C8orf90: variants seen among roughly 807,000 people sequenced by gnomAD.
The protein encoded by C8orf90 is uncharacterized protein C8orf90.
chr8:141,518,516 C>T, the C8orf90 span: 2 of 564,482 alleles, frequency 3.5e-6, no homozygotes, highest in Non-Finnish European at 3.1e-6. Flanking sequence ...CACGCCACGG[C>T]CCAGGCAGCG....
chr8:141,516,303 G>A, the C8orf90 span, among the ~76,000 whole-genome samples: 3 of 152,106 alleles, frequency 2.0e-5, no homozygotes, highest in African/African-American at 4.8e-5. Context: ...ATTCAGAGCC[G>A]AACCTCAGGA....
chr8:141,515,444 C>CCCTG, the C8orf90 span, among the ~76,000 whole-genome samples: 14,758 of 149,306 alleles, frequency 0.099, 861 homozygotes, highest in African/African-American at 0.14. Context: ...GCCCTGCCCT[C>CCCTG]TCCCTAGCTC....
the C8orf90 span, among the ~76,000 whole-genome samples, chr8:141,517,174 CTGAA>C: frequency 9.3e-6 from 1 of 107,880 alleles, no homozygotes; most frequent in Admixed American, 9.2e-5. Flanking sequence ...GTAAAACAGA[CTGAA>C]TATTGTTACC....
chr8:141,518,246 C>G, the C8orf90 span: 3 of 628,986 alleles, frequency 4.8e-6, no homozygotes, highest in Non-Finnish European at 8.6e-6. Flanking sequence ...CCCGCCTTCC[C>G]GGACATCTAC....
the C8orf90 span, chr8:141,518,294 G>A: frequency 1.5e-6 from 1 of 664,430 alleles, no homozygotes; most frequent in Non-Finnish European, 2.7e-6. Context: ...CATTTCCGCG[G>A]CATCGGGCGC....
the C8orf90 span, chr8:141,514,919 G>A: frequency 1.6e-6 from 1 of 609,608 alleles, no homozygotes; most frequent in South Asian, 1.9e-5. Flanking sequence ...GGCTGGGCCA[G>A]GATGGGGGCA....
the C8orf90 span, among the ~76,000 whole-genome samples, chr8:141,516,142 C>G: frequency 6.6e-6 from 1 of 152,222 alleles, no homozygotes; most frequent in African/African-American, 2.4e-5. Flanking sequence ...CCAACTCACG[C>G]TGTCACTCCA....
At chr8:141,518,377 C>G in the C8orf90 span, 228 of 677,502 alleles carry the variant, frequency 3.4e-4, 5 homozygotes, top group South Asian at 2.6e-3. Flanking sequence ...GCTGCCCTTC[C>G]CGTTCGCCTG....
At chr8:141,518,673 G>A in the C8orf90 span, 2 of 543,278 alleles carry the variant, frequency 3.7e-6, no homozygotes, top group Non-Finnish European at 6.5e-6. Context: ...CCCCAGGCTG[G>A]CCCAGGCCCC....
chr8:141,515,470 G>T, the C8orf90 span, among the ~76,000 whole-genome samples: 1 of 149,350 alleles, frequency 6.7e-6, no homozygotes, highest in Non-Finnish European at 1.5e-5. Flanking sequence ...TCATCCTATT[G>T]GTGATTTCTC....
At chr8:141,517,485 A>ACCCTGCTGGAC in the C8orf90 span, among the ~76,000 whole-genome samples, 1 of 152,214 alleles carries the variant, frequency 6.6e-6, no homozygotes, top group Non-Finnish European at 1.5e-5. Flanking sequence ...TGGGCCAGCA[A>ACCCTGCTGGAC]CGTGGGTGCC....
At chr8:141,515,545 C>T in the C8orf90 span, among the ~76,000 whole-genome samples, 1,276 of 151,958 alleles carry the variant, frequency 8.4e-3, 20 homozygotes, top group African/African-American at 0.03. Flanking sequence ...ACAAACTGTA[C>T]CCAAACTGCA....
chr8:141,518,406 C>A, the C8orf90 span: 1 of 674,076 alleles, frequency 1.5e-6, no homozygotes, highest in Non-Finnish European at 2.7e-6. Flanking sequence ...GGTCCGACCC[C>A]GCCTGCGGGC....
the C8orf90 span, chr8:141,514,875 G>C: frequency 1.5e-6 from 1 of 649,078 alleles, no homozygotes; most frequent in East Asian, 2.8e-5. Context: ...AGAAGAAGAT[G>C]CTCTGCCAAG....
At chr8:141,518,554 G>T in the C8orf90 span, 2 of 451,600 alleles carry the variant, frequency 4.4e-6, no homozygotes. Context: ...GGAGCGGCTG[G>T]CCCTGAGCTG....
chr8:141,518,247 G>A, the C8orf90 span: 102 of 628,166 alleles, frequency 1.6e-4, no homozygotes, highest in African/African-American at 1.8e-3. Flanking sequence ...CCGCCTTCCC[G>A]GACATCTACG....
chr8:141,518,112 ACTGGCCAC>A, the C8orf90 span: 1 of 517,024 alleles, frequency 1.9e-6, no homozygotes, highest in Non-Finnish European at 3.4e-6. Flanking sequence ...CTCCTTCCAG[ACTGGCCAC>A]CTCTCTTCGC....
chr8:141,516,604 G>A, the C8orf90 span, among the ~76,000 whole-genome samples: 1 of 152,144 alleles, frequency 6.6e-6, no homozygotes, highest in Admixed American at 6.5e-5. Context: ...AGGACCCGAA[G>A]CTCTCTGCTT....
chr8:141,517,563 C>T, the C8orf90 span, among the ~76,000 whole-genome samples: 11 of 152,160 alleles, frequency 7.2e-5, no homozygotes, highest in South Asian at 6.2e-4. Context: ...CTTCCACCTC[C>T]GCTCCCTCCT....
Sources: allele counts gnomAD v4.1 joint callset (sites outside exome capture counted in the v4.1 genomes callset), GRCh38; gene constraint gnomAD v4.1.1; transcripts MANE v1.5; gene names NCBI Gene and HGNC (gene_info 2026-07-23, HGNC 2026-07-21).